TUSC3: variants seen among roughly 807,000 people sequenced by gnomAD.
TUSC3 encodes dolichyl-diphosphooligosaccharide--protein glycosyltransferase subunit TUSC3.
A neutral mutation model predicts 44.8 loss-of-function variants in TUSC3; 45 were observed. The observed-to-expected ratio is 1.00, with a 90% confidence interval of 0.79 to 1.29. The LOEUF (loss-of-function observed/expected upper bound fraction) is 1.29, where lower values mean the gene tolerates loss of function less well. Among genes scored for constraint, TUSC3 ranks in the 50% most tolerant of loss-of-function variants. TUSC3 has a pLI of 0.00. For missense variants in TUSC3, 519 were observed against 437.9 expected, an observed-to-expected ratio of 1.19 and a Z score of -1.65; for synonymous variants, 212 against 152.9, an observed-to-expected ratio of 1.39 and a Z score of -2.85.
chr8:15,683,172 T>A (rs1808494314), intron 6 of TUSC3, among the ~76,000 whole-genome samples: 1 of 152,138 alleles, frequency 6.6e-6, no homozygotes, highest in South Asian at 2.1e-4. Context: ...ATCTCTGCAT[T>A]TCTTGTATTT....
intron 1 of TUSC3, among the ~76,000 whole-genome samples, chr8:15,426,044 T>A (rs892437322): frequency 1.3e-5 from 2 of 152,148 alleles, no homozygotes; most frequent in East Asian, 3.9e-4. Context: ...AAATAAAAGA[T>A]CAAATAAAAT....
the TUSC3 span, among the ~76,000 whole-genome samples, chr8:15,798,741 G>A: frequency 3.3e-4 from 50 of 152,076 alleles, no homozygotes; most frequent in Non-Finnish European, 5.6e-4. Flanking sequence ...TTGCATCCTC[G>A]GGCCAACTAA....
Position 15,734,802 on chromosome 8 carries a change from T to TA in TUSC3, c.862+4074dup, listed in dbSNP as rs1810864409. ...GTAAGGAGGCTATATTGGTAGAAGA[T>TA]ACAACAGGTACACAATCAAAATGAC... On this transcript the variant is annotated intron_variant, in intron 7 of 10. Coordinates refer to ENST00000503731, the MANE Select transcript of TUSC3 (RefSeq NM_006765.4). Among the ~76,000 whole-genome samples, 5 of 152,154 alleles carry TA rather than the reference T, an allele frequency of 3.3e-5. 1 individual carries two copies. In the South Asian group the frequency reaches 1.0e-3, roughly 32 times the overall value.
At chr8:15,426,547 T>A (rs28794856) in intron 1 of TUSC3, among the ~76,000 whole-genome samples, 20,917 of 152,250 alleles carry the variant, frequency 0.14, 1,539 homozygotes, top group Middle Eastern at 0.21. Context: ...TCCTCCAGGT[T>A]CATACACCTT....
chr8:15,777,458 A>G, the TUSC3 span, among the ~76,000 whole-genome samples: 1 of 152,206 alleles, frequency 6.6e-6, no homozygotes, highest in South Asian at 2.1e-4. Context: ...ATACATCCCC[A>G]TGTATGCTGC....
At chr8:15,776,891 T>G in the TUSC3 span, among the ~76,000 whole-genome samples, 2 of 152,016 alleles carry the variant, frequency 1.3e-5, no homozygotes, top group Non-Finnish European at 1.5e-5. Flanking sequence ...GGCAAAAAAC[T>G]TGAGACTGAA....
At chr8:15,745,002 A>G (rs1043406872) in intron 8 of TUSC3, among the ~76,000 whole-genome samples, 1 of 152,030 alleles carries the variant, frequency 6.6e-6, no homozygotes, top group African/African-American at 2.4e-5. Flanking sequence ...TCATATGTAC[A>G]CAATGTTTAG....
chr8:15,584,871 T>A (rs1321440391), intron 1 of TUSC3, among the ~76,000 whole-genome samples: 1 of 152,176 alleles, frequency 6.6e-6, no homozygotes, highest in South Asian at 2.1e-4. Context: ...AAAGATATAA[T>A]TGGAGGTAAA....
chr8:15,487,038 C>T (rs1427286798), intron 2 of TUSC3, among the ~76,000 whole-genome samples: 1 of 152,116 alleles, frequency 6.6e-6, no homozygotes, highest in Non-Finnish European at 1.5e-5. Flanking sequence ...GTTTTTATAC[C>T]AGCATATATT....
chr8:15,804,356 G>C, the TUSC3 span, among the ~76,000 whole-genome samples: 1 of 152,052 alleles, frequency 6.6e-6, no homozygotes, highest in Non-Finnish European at 1.5e-5. Flanking sequence ...GTCAATTTTT[G>C]TTTTATTTAC....
intron 1 of TUSC3, among the ~76,000 whole-genome samples, chr8:15,454,277 T>C (rs1187304080): frequency 2.0e-5 from 3 of 152,206 alleles, no homozygotes; most frequent in Non-Finnish European, 4.4e-5. Context: ...TTATTCCTGA[T>C]CTAAAGCTTC....
chr8:15,458,401 G>C (rs75220908), intron 1 of TUSC3, among the ~76,000 whole-genome samples: 2,309 of 151,998 alleles, frequency 0.015, 57 homozygotes, highest in African/African-American at 0.053. Context: ...ACCACACTTG[G>C]ATAATTGTTG....
At chr8:15,504,214 C>G (rs1321173907) in intron 2 of TUSC3, among the ~76,000 whole-genome samples, 1 of 152,008 alleles carries the variant, frequency 6.6e-6, no homozygotes, top group Non-Finnish European at 1.5e-5. Context: ...CACTTGCCAG[C>G]TGAGTAATTT....
intron 2 of TUSC3, among the ~76,000 whole-genome samples, chr8:15,631,524 G>A (rs1322161699): frequency 6.6e-6 from 1 of 152,096 alleles, no homozygotes; most frequent in African/African-American, 2.4e-5. Context: ...AATTAGTAAT[G>A]TTTTGCCACT....
In TUSC3 at chr8:15,485,464, C is replaced by CTTTTTTTTTTTTTTTTTTTTTTT. The variant is rs11372919; in HGVS notation, n.189+1992_189+1993insTTTTTTTTTTTTTTTTTTTTTTT. On this transcript the variant is annotated intron_variant and non_coding_transcript_variant, in intron 2 of 5. Coordinates refer to the TUSC3 transcript ENST00000503191. ...AAGCAATGTCATTATACTCTGTTGT[C>CTTTTTTTTTTTTTTTTTTTTTTT]TTTTTTTTTTTGTTTTTTGTGACAC... Among the ~76,000 whole-genome samples, 3 of 135,238 alleles carry CTTTTTTTTTTTTTTTTTTTTTTT rather than the reference C, an allele frequency of 2.2e-5. 1 individual carries two copies. Among genetic ancestry groups the CTTTTTTTTTTTTTTTTTTTTTTT allele is most frequent in the African/African-American group, 5.6e-5 (2 of 35,956 alleles). The allele number at this position is 135,238 out of a possible 152,430, so 88.7% of individuals were successfully genotyped here.
chr8:15,663,034 A>T (rs1182536517), intron 5 of TUSC3, among the ~76,000 whole-genome samples: 1 of 151,884 alleles, frequency 6.6e-6, no homozygotes, highest in Non-Finnish European at 1.5e-5. Context: ...GGGGAAAGAG[A>T]TGACAGTAGA....
intron 1 of TUSC3, among the ~76,000 whole-genome samples, chr8:15,469,117 A>G (rs1800451926): frequency 6.6e-6 from 1 of 152,224 alleles, no homozygotes; most frequent in South Asian, 2.1e-4. Flanking sequence ...ATAATGAAGC[A>G]ATTTGAACCA....
At position 15,456,836 on chromosome 8, in the gene TUSC3, G is replaced by T. The variant is rs75230296; in HGVS notation, n.92-26550G>T. 7.5e-3 allele frequency among the ~76,000 whole-genome samples: 1,148 copies of T among 152,132 alleles called. 25 individuals carry two copies. Among genetic ancestry groups the T allele is most frequent in the East Asian group, 0.061 (313 of 5,162 alleles). On this transcript the variant is annotated intron_variant and non_coding_transcript_variant, in intron 1 of 5. Coordinates refer to the TUSC3 transcript ENST00000503191. ...ACTTGAAAACGCTTTAAAACATTTTGTTGTATATAGTTCAGATCTTGTAAT... is the reference window on the plus strand; with the variant it reads ...ACTTGAAAACGCTTTAAAACATTTTTTTGTATATAGTTCAGATCTTGTAAT...
chr8:15,486,907 A>G (rs1250423104), intron 2 of TUSC3, among the ~76,000 whole-genome samples: 1 of 152,152 alleles, frequency 6.6e-6, no homozygotes, highest in East Asian at 1.9e-4. Context: ...CAGGGACTGT[A>G]TTTATTTTTC....
Sources: allele counts gnomAD v4.1 joint callset (sites outside exome capture counted in the v4.1 genomes callset), GRCh38; gene constraint gnomAD v4.1.1; transcripts MANE v1.5; gene names NCBI Gene and HGNC (gene_info 2026-07-23, HGNC 2026-07-21).